IPMK: variants seen among roughly 807,000 people sequenced by gnomAD.
IPMK encodes inositol 1,3,4,6-tetrakisphosphate 5-kinase.
Under a neutral mutation model 45.8 loss-of-function variants are expected in IPMK, and 17 were observed. The observed-to-expected ratio is 0.37, with a 90% CI of 0.25 to 0.56. IPMK has a LOEUF of 0.56. Among genes scored for constraint, IPMK ranks in the 20% least tolerant of loss-of-function variants. The pLI is 0.79. For synonymous variants in IPMK, 180 were observed against 184.3 expected (o/e 0.98, Z 0.19); for missense variants, 399 against 498.0 (o/e 0.80, Z 1.89).
chr10:58,229,097 C>T (rs144849710), intron 2 of IPMK, among the ~76,000 whole-genome samples: 24 of 152,210 alleles, frequency 1.6e-4, no homozygotes, highest in African/African-American at 5.5e-4. Context: ...CTTCTCTCTC[C>T]CCCAACCACT....
At position 58,195,955 on chromosome 10, in the gene IPMK, T is replaced by C. The variant is rs1837885925; in HGVS notation, c.*121A>G. Reference sequence around the variant, plus strand: ...AAAGTTAACCATTCTTCCAAAAGTATAAAGACAAATAAAATGTCGACTCAT... The same window carrying C: ...AAAGTTAACCATTCTTCCAAAAGTACAAAGACAAATAAAATGTCGACTCAT... On this transcript the variant is annotated 3_prime_UTR_variant, in exon 6 of 6. Transcript: ENST00000373935. 2.1e-6 allele frequency: 2 copies of C among 932,964 alleles called. No individual in the cohort carries two copies. Among genetic ancestry groups the C allele is most frequent in the East Asian group, 2.5e-5 (1 of 40,466 alleles). The allele number at this position is 932,964 out of a possible 1,614,324, so 57.8% of individuals were successfully genotyped here. A position where few individuals can be genotyped will look rare whatever the true frequency, so the allele number is the denominator to read the frequency against.
At chr10:58,199,659 T>C (rs1837969339) in intron 4 of IPMK, among the ~76,000 whole-genome samples, 1 of 152,154 alleles carries the variant, frequency 6.6e-6, no homozygotes, top group Admixed American at 6.5e-5. Flanking sequence ...TTCACAAAAA[T>C]ATTTTATCAT....
intron 1 of IPMK, among the ~76,000 whole-genome samples, chr10:58,259,742 C>T (rs1169932733): frequency 6.7e-6 from 1 of 149,750 alleles, no homozygotes; most frequent in African/African-American, 2.5e-5. Flanking sequence ...CAGGAGGCTT[C>T]GGTGGGAGGA....
chr10:58,228,134 G>A (rs1380460299), intron 2 of IPMK, among the ~76,000 whole-genome samples: 4 of 152,176 alleles, frequency 2.6e-5, no homozygotes, highest in African/African-American at 7.2e-5. Context: ...GTAATTTAGA[G>A]TAAGTATACC....
At chr10:58,255,816 A>C (rs1440760072) in intron 1 of IPMK, among the ~76,000 whole-genome samples, 3 of 152,212 alleles carry the variant, frequency 2.0e-5, no homozygotes, top group African/African-American at 7.2e-5. Context: ...CAACAGAAGA[A>C]CATAAATTGT....
Position 58,192,983 on chromosome 10 carries a change from A to T in IPMK, c.*3093T>A, listed in dbSNP as rs1219323973. The T allele has an allele frequency of 6.6e-6, 1 of 152,012 alleles. No homozygotes were observed. The highest frequency in any genetic ancestry group is 6.6e-5 in the Admixed American group (1 of 15,258). The allele number at this position is 152,012 out of a possible 1,614,324, so 9.4% of individuals were successfully genotyped here. On this transcript the variant is annotated 3_prime_UTR_variant, in exon 6 of 6. Transcript: ENST00000373935. ...TAAAGTATAAAATGCCAAACTACTAAGAGAAAATGTACTAAAATGACAATG... is the reference window on the plus strand; with the variant it reads ...TAAAGTATAAAATGCCAAACTACTATGAGAAAATGTACTAAAATGACAATG...
chr10:58,240,335 A>G (rs1039682845), intron 1 of IPMK, among the ~76,000 whole-genome samples: 3 of 151,670 alleles, frequency 2.0e-5, no homozygotes, highest in African/African-American at 7.3e-5. Context: ...ACCAATACAA[A>G]ATATCTAAAT....
At chr10:58,241,773 C>T (rs1838699266) in intron 1 of IPMK, among the ~76,000 whole-genome samples, 1 of 151,910 alleles carries the variant, frequency 6.6e-6, no homozygotes, top group Non-Finnish European at 1.5e-5. Context: ...AGACTTAACC[C>T]TTATGACCTC....
At chr10:58,267,390 G>A (rs756522989) in intron 1 of IPMK, 32 bp downstream of exon 1, 1 of 1,608,074 alleles carries the variant, frequency 6.2e-7, no homozygotes, top group Non-Finnish European at 8.5e-7. Flanking sequence ...AGGCGGAAGG[G>A]GAGCGGCGAG....
intron 1 of IPMK, among the ~76,000 whole-genome samples, chr10:58,246,314 A>G (rs999986059): frequency 1.3e-4 from 19 of 150,518 alleles, no homozygotes; most frequent in African/African-American, 4.7e-4. Flanking sequence ...TTTAAAGTTC[A>G]TATGGAACCA....
chr10:58,257,126 T>C (rs1838981400), intron 1 of IPMK, among the ~76,000 whole-genome samples: 1 of 152,184 alleles, frequency 6.6e-6, no homozygotes, highest in African/African-American at 2.4e-5. Context: ...AAAGAAAACC[T>C]GTGATATAGG....
chr10:58,207,212 C>T (rs948149675), intron 4 of IPMK, among the ~76,000 whole-genome samples: 6 of 152,216 alleles, frequency 3.9e-5, no homozygotes, highest in Admixed American at 2.6e-4. Flanking sequence ...ACCATGTTAG[C>T]TAGGATGGTC....
Position 58,201,929 on chromosome 10 carries a change from C to T in IPMK, c.547-2608G>A, listed in dbSNP as rs576476497. 9.8e-5 allele frequency among the ~76,000 whole-genome samples: 15 copies of T among 152,328 alleles called. No individual in the cohort carries two copies. The South Asian group carries it at 2.9e-3, about 29-fold the overall frequency. On this transcript the variant is annotated intron_variant, in intron 4 of 5. Transcript: ENST00000373935. ...GAAGACCAAACCAGCCACAACATTA[C>T]CTCAAGTCAAAGCCTAATCCAGGGT... is the stretch of plus-strand genomic sequence containing the variant.
intron 5 of IPMK, among the ~76,000 whole-genome samples, chr10:58,197,670 G>GAAA (rs10617632): frequency 7.7e-6 from 1 of 129,932 alleles, no homozygotes; most frequent in Non-Finnish European, 1.7e-5. Context: ...GAAAAGAAAA[G>GAAA]AAAAAAAAAA....
At chr10:58,236,731 C>T (rs1299555079) in intron 2 of IPMK, among the ~76,000 whole-genome samples, 1 of 151,886 alleles carries the variant, frequency 6.6e-6, no homozygotes, top group African/African-American at 2.4e-5. Flanking sequence ...TGGTGAAACC[C>T]TCTCTCTACA....
At chr10:58,202,765 A>G (rs1381866267) in intron 4 of IPMK, among the ~76,000 whole-genome samples, 1 of 152,216 alleles carries the variant, frequency 6.6e-6, no homozygotes, top group Non-Finnish European at 1.5e-5. Flanking sequence ...TCAGCCCACC[A>G]TTGAGAACTA....
At chr10:58,251,644 T>C (rs1026789074) in intron 1 of IPMK, among the ~76,000 whole-genome samples, 2 of 152,206 alleles carry the variant, frequency 1.3e-5, no homozygotes, top group Admixed American at 6.5e-5. Flanking sequence ...ATATGTTTTA[T>C]ATACTTGGGT....
chr10:58,215,160 C>G (rs1010737198), intron 4 of IPMK, among the ~76,000 whole-genome samples: 1 of 152,140 alleles, frequency 6.6e-6, no homozygotes, highest in Non-Finnish European at 1.5e-5. Flanking sequence ...GTACCAACTT[C>G]CTGACACAAG....
chr10:58,264,433 G>A (rs1588975746), intron 1 of IPMK, among the ~76,000 whole-genome samples: 1 of 152,034 alleles, frequency 6.6e-6, no homozygotes, highest in Non-Finnish European at 1.5e-5. Context: ...TTTCCCTATA[G>A]ACTACCCCAT....
Sources: gnomAD v4.1 joint callset for allele counts (sites outside exome capture counted in the v4.1 genomes callset) on GRCh38, gnomAD v4.1.1 for gene constraint, MANE v1.5 for transcripts, NCBI Gene and HGNC (gene_info 2026-07-23, HGNC 2026-07-21) for gene names.